EXD2: variants seen among roughly 807,000 people sequenced by gnomAD.
The protein encoded by EXD2 is exonuclease 3'-5' domain containing 2, also known as exonuclease 3'-5' domain-containing protein 2.
EXD2 carries 40 observed loss-of-function variants against 62.5 expected under a neutral mutation model. The ratio of observed to expected loss-of-function variants is 0.64; its 90% CI spans 0.50 to 0.83. The LOEUF (loss-of-function observed/expected upper bound fraction) is 0.83, where lower values mean the gene tolerates loss of function less well. Among genes scored for constraint, EXD2 ranks in the 40% least tolerant of loss-of-function variants. The pLI, the probability that EXD2 is intolerant of heterozygous loss-of-function variation, is 0.00. For missense variants in EXD2, 671 were observed against 761.8 expected (o/e 0.88, Z 1.40); for synonymous variants, 239 against 291.9 (o/e 0.82, Z 1.85).
chr14:69,227,111 T>G (rs2043390964), intron 3 of EXD2, among the ~76,000 whole-genome samples: 1 of 152,210 alleles, frequency 6.6e-6, no homozygotes, highest in Non-Finnish European at 1.5e-5. Context: ...GCCTCCCCGC[T>G]ATTGACATTT....
intron 3 of EXD2, among the ~76,000 whole-genome samples, chr14:69,210,750 T>C (rs908154148): frequency 2.0e-5 from 3 of 151,848 alleles, no homozygotes; most frequent in Non-Finnish European, 4.4e-5. Context: ...GTTGAAGCTG[T>C]CGTGAGCTAT....
intron 3 of EXD2, among the ~76,000 whole-genome samples, chr14:69,212,807 C>T (rs2042856335): frequency 1.4e-5 from 2 of 147,470 alleles, no homozygotes; most frequent in Admixed American, 1.4e-4. Flanking sequence ...TCCCTGGGCT[C>T]AGATGATTGT....
At position 69,211,880 on chromosome 14, in the gene EXD2, G is replaced by A. The variant is rs146808213; in HGVS notation, c.333+2077G>A. On this transcript the variant is annotated intron_variant, in intron 3 of 9. Coordinates refer to ENST00000685843, the MANE Select transcript of EXD2 (RefSeq NM_001193360.2). ...ATACACTTTAATTACTATAGCAGAGGCATAGAAAAGTTAAAGTGGCAAATA... is the reference window on the plus strand; with the variant it reads ...ATACACTTTAATTACTATAGCAGAGACATAGAAAAGTTAAAGTGGCAAATA... Among the ~76,000 whole-genome samples the A allele has an allele frequency of 3.8e-3, 583 of 152,206 alleles. 6 individuals carry two copies. Among genetic ancestry groups the A allele is most frequent in the African/African-American group, 0.012 (508 of 41,522 alleles).
chr14:69,241,051 A>G lies in EXD2; in HGVS notation c.1817A>G (p.Gln606Arg). Residue 606 changes from glutamine (Q) to arginine (R), a missense_variant, in exon 10 of 10, where the codon CAG becomes CGG. Coordinates refer to ENST00000685843, the MANE Select transcript of EXD2 (RefSeq NM_001193360.2). ...CAGTGGTCAGTGGACCACAACCATC[A>G]GAAGCTGCTCCGGAAATTCGGGGAA... is the stretch of plus-strand genomic sequence containing the variant. The part of the protein sequence containing the change: ...PQQWSVDHNH[Q>R]KLLRKFGEDL... The G allele has an allele frequency of 6.2e-7, 1 of 1,612,822 alleles. No individual in the cohort carries two copies. The highest frequency in any genetic ancestry group is 8.5e-7 in the Non-Finnish European group (1 of 1,180,018).
chr14:69,241,171 T>G lies in EXD2; in HGVS notation c.*71T>G. 5 of 1,251,054 alleles carry G rather than the reference T, an allele frequency of 4.0e-6. No individual in the cohort carries two copies. The highest frequency in any genetic ancestry group is 4.5e-6 in the Non-Finnish European group (4 of 884,822). The allele number at this position is 1,251,054 out of a possible 1,614,324, so 77.5% of individuals were successfully genotyped here. On this transcript the variant is annotated 3_prime_UTR_variant, in exon 10 of 10. Transcript: ENST00000685843. ...GGTTGAAGAGTCACCTCTTCCCATTTTAGTACATCATTAATTGTCAAAGCC... is the reference window on the plus strand; with the variant it reads ...GGTTGAAGAGTCACCTCTTCCCATTGTAGTACATCATTAATTGTCAAAGCC...
chr14:69,238,958 A>C (rs1419019560), intron 9 of EXD2, among the ~76,000 whole-genome samples: 3 of 152,152 alleles, frequency 2.0e-5, no homozygotes, highest in African/African-American at 7.2e-5. Context: ...GTTTGAATCC[A>C]CAGATGCAGA....
chr14:69,222,553 T>C (rs1318905599), intron 3 of EXD2, among the ~76,000 whole-genome samples: 1 of 152,218 alleles, frequency 6.6e-6, no homozygotes, highest in Non-Finnish European at 1.5e-5. Flanking sequence ...TTTCTACTTT[T>C]TCCTTTTCTG....
At chr14:69,223,626 G>A (rs553450140) in intron 3 of EXD2, among the ~76,000 whole-genome samples, 75 of 152,118 alleles carry the variant, frequency 4.9e-4, no homozygotes, top group Non-Finnish European at 8.8e-4. Context: ...TGTACAAAAT[G>A]AATATTCTGC....
In EXD2 at chr14:69,222,164, A is replaced by G. The variant is rs992924085; in HGVS notation, c.334-6652A>G. On this transcript the variant is annotated intron_variant, in intron 3 of 9. Coordinates refer to ENST00000685843, the MANE Select transcript of EXD2 (RefSeq NM_001193360.2). Reference sequence around the variant, plus strand: ...ATTTTACCCCATTTGGTAGATAACTAGGAATGTCTCTTTTTTCATTCCTGA... The same window carrying G: ...ATTTTACCCCATTTGGTAGATAACTGGGAATGTCTCTTTTTTCATTCCTGA... 1.5e-4 allele frequency among the ~76,000 whole-genome samples: 23 copies of G among 151,538 alleles called. 2 individuals are homozygous for G. Among genetic ancestry groups the G allele is most frequent in the Admixed American group, 1.4e-3 (22 of 15,214 alleles).
At chr14:69,195,654 A>G (rs1407639845) in intron 1 of EXD2, among the ~76,000 whole-genome samples, 1 of 152,166 alleles carries the variant, frequency 6.6e-6, no homozygotes, top group East Asian at 1.9e-4. Flanking sequence ...AGAAACCCAT[A>G]CCAATTAGAA....
intron 3 of EXD2, among the ~76,000 whole-genome samples, chr14:69,218,107 C>T (rs1206945959): frequency 6.6e-6 from 1 of 152,182 alleles, no homozygotes; most frequent in Non-Finnish European, 1.5e-5. Flanking sequence ...GAGGAATCGC[C>T]ACACTGTCTT....
chr14:69,194,357 C>G (rs1471675112), intron 1 of EXD2, among the ~76,000 whole-genome samples: 2 of 152,068 alleles, frequency 1.3e-5, no homozygotes, highest in South Asian at 2.1e-4. Flanking sequence ...CTAGGATGGT[C>G]TCGATCTCCT....
chr14:69,231,876 A>G lies in EXD2; in HGVS notation c.717+1278A>G, dbSNP rs113460438. On this transcript the variant is annotated intron_variant, in intron 5 of 9. Coordinates refer to ENST00000685843, the MANE Select transcript of EXD2 (RefSeq NM_001193360.2). The stretch of plus-strand genomic sequence containing the variant: ...TTTCTTGCCTTGGTGGAGTACATTC[A>G]TAACAGTTTCTTGAGAAAGGGAGCA... Among the ~76,000 whole-genome samples the G allele has an allele frequency of 9.0e-3, 1,344 of 148,706 alleles. 10 individuals carry two copies. Among genetic ancestry groups the G allele is most frequent in the Non-Finnish European group, 0.016 (1,084 of 67,594 alleles).
chr14:69,206,071 A>G (rs1018578762), intron 2 of EXD2, among the ~76,000 whole-genome samples: 1 of 151,962 alleles, frequency 6.6e-6, no homozygotes, highest in African/African-American at 2.4e-5. Flanking sequence ...GGCATGCACC[A>G]CCACACCTGG....
At chr14:69,196,119 C>T (rs2042196074) in intron 1 of EXD2, 1 of 152,226 alleles carries the variant, frequency 6.6e-6, no homozygotes, top group South Asian at 2.1e-4. Flanking sequence ...CAGTTTCTGC[C>T]TCCGTCTTCA....
intron 3 of EXD2, among the ~76,000 whole-genome samples, chr14:69,220,557 ATT>A (rs535128926): frequency 7.1e-5 from 8 of 113,380 alleles, no homozygotes; most frequent in Admixed American, 8.9e-5. Flanking sequence ...CGTGCTGGGC[ATT>A]TTTTTTTTTT....
In EXD2 at chr14:69,191,582, G is replaced by C. The variant is rs2042023491; in HGVS notation, c.-141G>C. On this transcript the variant is annotated 5_prime_UTR_variant, in exon 1 of 10. Transcript: ENST00000685843. ...CCGCTGCAGGTGTGCGGCCCAGTCC[G>C]AGACAGCAGGTAAGTGAGGCTCAGA... 1 of 152,634 alleles carries C rather than the reference G, an allele frequency of 6.6e-6. No homozygotes were observed. Among genetic ancestry groups the C allele is most frequent in the African/African-American group, 2.4e-5 (1 of 41,480 alleles). The allele number at this position is 152,634 out of a possible 1,614,324, so 9.5% of individuals were successfully genotyped here. A position where few individuals can be genotyped will look rare whatever the true frequency, so the allele number is the denominator to read the frequency against.
In EXD2 at chr14:69,242,056, A is replaced by G. The variant is rs1208367133; in HGVS notation, c.*956A>G. Reference sequence around the variant, plus strand: ...CAGAGTCATCTGGTCAGGTTGCAATATGAGGACTTCTCTGTCTCCTCTGAA... The same window carrying G: ...CAGAGTCATCTGGTCAGGTTGCAATGTGAGGACTTCTCTGTCTCCTCTGAA... On this transcript the variant is annotated 3_prime_UTR_variant, in exon 10 of 10. Coordinates refer to ENST00000685843, the MANE Select transcript of EXD2 (RefSeq NM_001193360.2). The G allele has an allele frequency of 3.5e-5, 14 of 398,530 alleles. No individual in the cohort carries two copies. Among genetic ancestry groups the G allele is most frequent in the Non-Finnish European group, 6.2e-5 (14 of 226,076 alleles). The allele number at this position is 398,530 out of a possible 1,614,324, so 24.7% of individuals were successfully genotyped here.
chr14:69,196,910 A>G (rs531044164), intron 1 of EXD2, among the ~76,000 whole-genome samples: 48 of 152,154 alleles, frequency 3.2e-4, no homozygotes, highest in Admixed American at 9.8e-4. Flanking sequence ...GTGCACCACC[A>G]TACTTGGCCT....
Sources: gnomAD v4.1 joint callset for allele counts (sites outside exome capture counted in the v4.1 genomes callset) on GRCh38, gnomAD v4.1.1 for gene constraint, MANE v1.5 for transcripts, NCBI Gene and HGNC (gene_info 2026-07-23, HGNC 2026-07-21) for gene names.